The following BEST3 variants were observed in gnomAD, a reference collection of about 807,000 sequenced individuals.
BEST3 encodes bestrophin-3.
A neutral mutation model predicts 47.1 loss-of-function variants in BEST3; 50 were observed. The ratio of observed to expected loss-of-function variants is 1.06; its 90% CI spans 0.85 to 1.34. BEST3 has a LOEUF of 1.34. Ranked by LOEUF, BEST3 falls within the 40% of genes most tolerant of loss-of-function variation. The pLI is 0.00. For synonymous variants in BEST3, 282 were observed against 298.8 expected (o/e 0.94, Z 0.58); for missense variants, 765 against 817.0 (o/e 0.94, Z 0.78).
At chr12:69,683,454 C>G (rs941566686) in intron 4 of BEST3, 2 of 152,220 alleles carry the variant, frequency 1.3e-5, no homozygotes, top group Admixed American at 6.5e-5. Flanking sequence ...AAGTTGGGAA[C>G]TGCTTACGGC....
At chr12:69,684,367 C>T (rs1486390205) in intron 4 of BEST3, 2 of 430,892 alleles carry the variant, frequency 4.6e-6, no homozygotes, top group East Asian at 3.2e-5. Context: ...GGATCTGCTA[C>T]TTTAAGACAA....
chr12:69,686,925 G>T (rs755297882), intron 4 of BEST3, among the ~76,000 whole-genome samples: 2 of 152,090 alleles, frequency 1.3e-5, no homozygotes, highest in Non-Finnish European at 2.9e-5. Flanking sequence ...ATGATTAACT[G>T]CCCAGCTGAC....
At chr12:69,683,746 C>T (rs932229001) in intron 4 of BEST3, 1 of 152,238 alleles carries the variant, frequency 6.6e-6, no homozygotes, top group South Asian at 2.1e-4. Flanking sequence ...ATCAGGACCA[C>T]CTGAGGCTGT....
At chr12:69,665,466 G>A (rs531049260) in intron 9 of BEST3, among the ~76,000 whole-genome samples, 4 of 152,252 alleles carry the variant, frequency 2.6e-5, no homozygotes, top group African/African-American at 7.2e-5. Flanking sequence ...GGTGGTGCAC[G>A]CCTGTAATCC....
intron 9 of BEST3, among the ~76,000 whole-genome samples, chr12:69,645,788 C>A (rs1883012435): frequency 9.6e-6 from 1 of 104,052 alleles, no homozygotes; most frequent in Non-Finnish European, 1.8e-5. Context: ...TCCTAAGTAC[C>A]CAATAGTTGT....
chr12:69,647,403 A>G (rs924511238), intron 9 of BEST3, among the ~76,000 whole-genome samples: 1 of 152,204 alleles, frequency 6.6e-6, no homozygotes, highest in African/African-American at 2.4e-5. Flanking sequence ...CACCACTCAC[A>G]GGTAGCAGAA....
At chr12:69,664,119 C>G (rs866917875) in intron 9 of BEST3, among the ~76,000 whole-genome samples, 13 of 152,182 alleles carry the variant, frequency 8.5e-5, no homozygotes, top group Middle Eastern at 3.4e-3. Context: ...TTTAACTGGC[C>G]TTTTTTCATT....
rs1744279265 is a variant in BEST3 at position 69,654,503 on chromosome 12, G to GA, written c.*403dup. The GA allele has an allele frequency of 1.0e-6, 1 of 990,048 alleles. No homozygotes were observed. Among genetic ancestry groups the GA allele is most frequent in the Non-Finnish European group, 1.2e-6 (1 of 833,296 alleles). The allele number at this position is 990,048 out of a possible 1,614,324, so 61.3% of individuals were successfully genotyped here. The stretch of plus-strand genomic sequence containing the variant: ...TTATGGCTAAAGAAAAAAAGAAAGA[G>GA]AAAAAAGAAGAGAAATAGAGAACCC... On this transcript the variant is annotated 3_prime_UTR_variant, in exon 10 of 10. Coordinates refer to ENST00000330891, the MANE Select transcript of BEST3 (RefSeq NM_032735.3).
At chr12:69,693,245 CTTTTTTTTTTCTTTTTTCT>C (rs1025588032) in intron 4 of BEST3, among the ~76,000 whole-genome samples, 1 of 136,664 alleles carries the variant, frequency 7.3e-6, no homozygotes, top group African/African-American at 2.7e-5. Flanking sequence ...CTCTCTCTCT[CTTTTTTTTTTCTTTTTTCT>C]TTTTTTTTTT....
chr12:69,690,861 T>C (rs1038055368), intron 4 of BEST3, among the ~76,000 whole-genome samples: 2 of 152,178 alleles, frequency 1.3e-5, no homozygotes, highest in African/African-American at 4.8e-5. Flanking sequence ...TCTACTTTCA[T>C]ATTTGGAGGA....
downstream of BEST3, among the ~76,000 whole-genome samples, chr12:69,649,513 C>T (rs1285558526): frequency 2.0e-5 from 3 of 152,212 alleles, no homozygotes; most frequent in Non-Finnish European, 4.4e-5. Flanking sequence ...GGAATTTAGC[C>T]TGTTGCTGGG....
intron 7 of BEST3, among the ~76,000 whole-genome samples, chr12:69,673,744 G>A (rs998690960): frequency 5.9e-5 from 9 of 152,060 alleles, no homozygotes; most frequent in African/African-American, 9.7e-5. Context: ...GTGCTTGGCC[G>A]AGCTTTCACA....
At chr12:69,671,129 T>C (rs775974291) in intron 9 of BEST3, among the ~76,000 whole-genome samples, 36 of 152,210 alleles carry the variant, frequency 2.4e-4, no homozygotes, top group Non-Finnish European at 4.6e-4. Flanking sequence ...GTTCATTTCC[T>C]AGATATTGGA....
At chr12:69,689,323 AGCGGGTGCCG>A (rs1275825750) in intron 4 of BEST3, 1 of 947,144 alleles carries the variant, frequency 1.1e-6, no homozygotes, top group African/African-American at 1.8e-5. Context: ...TGCCGGTGAC[AGCGGGTGCCG>A]GCCTGGGGCA....
In BEST3 at chr12:69,646,168, C is replaced by T. The variant is rs183025197; in HGVS notation, c.1101-2381G>A. On this transcript the variant is annotated intron_variant, in intron 9 of 9. Coordinates refer to the BEST3 transcript ENST00000331471. ...GGCCAGGATGGTCTCAAACTCCTGA[C>T]CTCAAGTGACCCACCAGTCTCAGCC... 3.9e-5 allele frequency among the ~76,000 whole-genome samples: 6 copies of T among 152,238 alleles called. No homozygotes were observed. The East Asian group carries it at 1.2e-3, about 30-fold the overall frequency.
chr12:69,659,729 T>G (rs540872999), intron 9 of BEST3, among the ~76,000 whole-genome samples: 1 of 152,106 alleles, frequency 6.6e-6, no homozygotes, highest in South Asian at 2.1e-4. Flanking sequence ...TTTTTTTTTA[T>G]GCTCCTTATT....
At chr12:69,652,239 G>A (rs888444958), downstream of BEST3, among the ~76,000 whole-genome samples, 1 of 152,200 alleles carries the variant, frequency 6.6e-6, no homozygotes, top group African/African-American at 2.4e-5. Context: ...TTTAATGTGA[G>A]AGAGTTGAGC....
At chr12:69,689,258 T>A in intron 4 of BEST3, 1 of 985,690 alleles carries the variant, frequency 1.0e-6, no homozygotes, top group Non-Finnish European at 1.2e-6. Context: ...ATGTGCAGAC[T>A]CTGAGTCAGC....
intron 7 of BEST3, 70 bp from the exon 8 acceptor site, chr12:69,673,035 T>C: frequency 1.7e-6 from 2 of 1,180,352 alleles, no homozygotes; most frequent in East Asian, 2.4e-5. Flanking sequence ...CTGAAGATGA[T>C]TCCTGTTTTC....
Sources: allele counts gnomAD v4.1 joint callset (sites outside exome capture counted in the v4.1 genomes callset), GRCh38; gene constraint gnomAD v4.1.1; transcripts MANE v1.5; gene names NCBI Gene and HGNC (gene_info 2026-07-23, HGNC 2026-07-21).